CDKAL1: variants seen among roughly 807,000 people sequenced by gnomAD.
CDKAL1 encodes CDKAL1 threonylcarbamoyladenosine tRNA methylthiotransferase.
In CDKAL1, 32 loss-of-function variants were observed where a neutral mutation model predicts 68.2. That is an observed-to-expected ratio of 0.47 (90% CI 0.35 to 0.63). CDKAL1 has a LOEUF of 0.63. Among genes scored for constraint, CDKAL1 ranks in the 30% least tolerant of loss-of-function variants. The probability of loss-of-function intolerance (pLI) is 0.00; values close to 1 mark genes in which losing one functional copy is unlikely to be tolerated. For synonymous variants in CDKAL1, 234 were observed against 244.3 expected (o/e 0.96, Z 0.39); for missense variants, 606 against 696.7 (o/e 0.87, Z 1.47).
At chr6:21,029,363 CCTT>C (rs2150874568) in intron 11 of CDKAL1, among the ~76,000 whole-genome samples, 1 of 152,100 alleles carries the variant, frequency 6.6e-6, no homozygotes, top group South Asian at 2.1e-4. Context: ...CTGGCCAGCT[CCTT>C]CTTTTTGTAA....
chr6:20,575,171 T>G (rs1213631216), intron 4 of CDKAL1, among the ~76,000 whole-genome samples: 1 of 151,928 alleles, frequency 6.6e-6, no homozygotes, highest in Admixed American at 6.6e-5. Context: ...AAGATTGGAG[T>G]ATTTGGTTTT....
intron 4 of CDKAL1, among the ~76,000 whole-genome samples, chr6:20,553,663 TGCAGTA>T (rs1355627695): frequency 1.3e-5 from 2 of 152,178 alleles, no homozygotes; most frequent in African/African-American, 4.8e-5. Context: ...CAGGCTGGAG[TGCAGTA>T]GCACCATCTC....
chr6:21,070,154 T>C (rs1394990691), intron 12 of CDKAL1, among the ~76,000 whole-genome samples: 1 of 152,166 alleles, frequency 6.6e-6, no homozygotes, highest in African/African-American at 2.4e-5. Flanking sequence ...GAATTTGATA[T>C]TTGCTGTACT....
chr6:20,962,561 A>G (rs972542641), intron 10 of CDKAL1, among the ~76,000 whole-genome samples: 3 of 152,228 alleles, frequency 2.0e-5, no homozygotes, highest in African/African-American at 4.8e-5. Context: ...AATGCCTCAT[A>G]GTTTCAAAAT....
chr6:21,018,749 C>T (rs1478567237), intron 11 of CDKAL1, among the ~76,000 whole-genome samples: 6 of 151,978 alleles, frequency 3.9e-5, no homozygotes, highest in Admixed American at 2.0e-4. Context: ...TCTGTTATTA[C>T]GTTTATGATT....
At chr6:20,757,914 C>T (rs1774294303) in intron 6 of CDKAL1, among the ~76,000 whole-genome samples, 1 of 152,018 alleles carries the variant, frequency 6.6e-6, no homozygotes, top group Non-Finnish European at 1.5e-5. Context: ...CATGCTTACT[C>T]ATTCTCAGTG....
At chr6:20,900,502 A>G (rs1761908720) in intron 9 of CDKAL1, among the ~76,000 whole-genome samples, 1 of 152,196 alleles carries the variant, frequency 6.6e-6, no homozygotes, top group East Asian at 1.9e-4. Flanking sequence ...GTAAGTAGAT[A>G]TTGCTAGTGG....
intron 4 of CDKAL1, among the ~76,000 whole-genome samples, chr6:20,573,998 T>C (rs1396904395): frequency 1.3e-5 from 2 of 152,188 alleles, no homozygotes; most frequent in African/African-American, 4.8e-5. Flanking sequence ...TGGTTCAAAT[T>C]TGCAACACTG....
chr6:20,998,352 C>G (rs968234872), intron 10 of CDKAL1, among the ~76,000 whole-genome samples: 3 of 152,190 alleles, frequency 2.0e-5, no homozygotes, highest in African/African-American at 7.2e-5. Context: ...TGGCTCACGC[C>G]TGTAATCCCA....
chr6:20,945,149 A>C (rs957631897), intron 9 of CDKAL1, among the ~76,000 whole-genome samples: 1 of 152,134 alleles, frequency 6.6e-6, no homozygotes, highest in Non-Finnish European at 1.5e-5. Flanking sequence ...TCCAACCTGT[A>C]AAAGGCACAT....
At chr6:21,190,039 G>A (rs1275841209) in intron 13 of CDKAL1, among the ~76,000 whole-genome samples, 1 of 152,176 alleles carries the variant, frequency 6.6e-6, no homozygotes, top group African/African-American at 2.4e-5. Flanking sequence ...AAAGGTGTAT[G>A]TGAGGGCAGG....
chr6:21,225,976 T>C (rs969453073), intron 15 of CDKAL1, among the ~76,000 whole-genome samples: 2 of 152,206 alleles, frequency 1.3e-5, no homozygotes, highest in African/African-American at 4.8e-5. Flanking sequence ...GCACAAATAC[T>C]AGCAGTATCT....
chr6:21,189,570 C>T (rs890674878), intron 13 of CDKAL1, among the ~76,000 whole-genome samples: 1 of 152,168 alleles, frequency 6.6e-6, no homozygotes, highest in African/African-American at 2.4e-5. Context: ...AACTGTCCAA[C>T]ATCTTCTCTT....
intron 5 of CDKAL1, among the ~76,000 whole-genome samples, chr6:20,721,569 G>T (rs548933376): frequency 6.6e-6 from 1 of 151,756 alleles, no homozygotes; most frequent in Non-Finnish European, 1.5e-5. Flanking sequence ...TTTTCCTTTG[G>T]GTAGATACCC....
chr6:21,214,328 TAC>T (rs1562122828), intron 15 of CDKAL1, among the ~76,000 whole-genome samples: 3 of 150,726 alleles, frequency 2.0e-5, no homozygotes, highest in African/African-American at 7.4e-5. Context: ...TATATATATA[TAC>T]ATACCATATA....
At chr6:20,788,707 A>C (rs1434541390) in intron 8 of CDKAL1, among the ~76,000 whole-genome samples, 1 of 151,922 alleles carries the variant, frequency 6.6e-6, no homozygotes, top group Non-Finnish European at 1.5e-5. Flanking sequence ...TGTATCTTCT[A>C]CTCTACCGTC....
chr6:20,997,863 C>T (rs1285658907), intron 10 of CDKAL1, among the ~76,000 whole-genome samples: 1 of 151,842 alleles, frequency 6.6e-6, no homozygotes, highest in Non-Finnish European at 1.5e-5. Flanking sequence ...AATTGTGATA[C>T]AGGGAACTTA....
chr6:20,939,052 A>G (rs1279823722), intron 9 of CDKAL1, among the ~76,000 whole-genome samples: 1 of 152,148 alleles, frequency 6.6e-6, no homozygotes, highest in Non-Finnish European at 1.5e-5. Flanking sequence ...CAATAAATAA[A>G]TATTCACTAG....
At chr6:20,876,898 G>T (rs1448098588) in intron 9 of CDKAL1, among the ~76,000 whole-genome samples, 2 of 152,062 alleles carry the variant, frequency 1.3e-5, no homozygotes, top group South Asian at 4.2e-4. Context: ...ACTTTTTATT[G>T]TCAGTCTTTT....
Sources: allele counts gnomAD v4.1 joint callset (sites outside exome capture counted in the v4.1 genomes callset), GRCh38; gene constraint gnomAD v4.1.1; transcripts MANE v1.5; gene names NCBI Gene and HGNC (gene_info 2026-07-23, HGNC 2026-07-21).